KLHDC4: variants seen among roughly 807,000 people sequenced by gnomAD.
The protein encoded by KLHDC4 is kelch domain-containing protein 4.
A neutral mutation model predicts 62.4 loss-of-function variants in KLHDC4; 90 were observed. That is an observed-to-expected ratio of 1.44 (90% CI 1.22 to 1.72). The LOEUF (loss-of-function observed/expected upper bound fraction) is 1.72, where lower values mean the gene tolerates loss of function less well. KLHDC4 is among the 40% of genes most tolerant of loss of function. The pLI is 0.00. For synonymous variants in KLHDC4, 386 were observed against 284.4 expected (o/e 1.36, Z -3.59); for missense variants, 1,025 against 699.7 (o/e 1.47, Z -5.25).
At chr16:87,703,467 G>A (rs1474575977), downstream of KLHDC4, 1 of 152,454 alleles carries the variant, frequency 6.6e-6, no homozygotes, top group African/African-American at 2.4e-5. Context: ...AATAACCAGA[G>A]AGGCAGGCTC....
chr16:87,724,594 C>G (rs1435001087), intron 7 of KLHDC4, among the ~76,000 whole-genome samples: 3 of 152,148 alleles, frequency 2.0e-5, no homozygotes, highest in Non-Finnish European at 2.9e-5. Context: ...CACTCAACAC[C>G]AGCAGTCATG....
intron 9 of KLHDC4, chr16:87,710,212 G>GAC (rs1447389777): frequency 1.9e-5 from 3 of 156,944 alleles, no homozygotes; most frequent in African/African-American, 7.2e-5. Flanking sequence ...CCTCCTGCAG[G>GAC]ACAGCTGTCC....
At chr16:87,713,776 C>G (rs2036367697) in intron 8 of KLHDC4, among the ~76,000 whole-genome samples, 1 of 152,174 alleles carries the variant, frequency 6.6e-6, no homozygotes, top group Non-Finnish European at 1.5e-5. Flanking sequence ...AGGGCTGTCC[C>G]CTAGGTCATC....
chr16:87,701,231 G>A (rs563496994), exon 1 of KLHDC4: 40 of 225,984 alleles, frequency 1.8e-4, no homozygotes, highest in East Asian at 6.5e-4. Context: ...GAGCAGAGGC[G>A]GGGGCTGGCA....
At chr16:87,722,237 G>A (rs748750495) in intron 7 of KLHDC4, among the ~76,000 whole-genome samples, 2 of 152,216 alleles carry the variant, frequency 1.3e-5, no homozygotes, top group South Asian at 2.1e-4. Context: ...ACGTGGTTAC[G>A]ATACTGACCA....
intron 4 of KLHDC4, among the ~76,000 whole-genome samples, chr16:87,749,221 C>T (rs2043512563): frequency 6.6e-6 from 1 of 151,920 alleles, no homozygotes; most frequent in Non-Finnish European, 1.5e-5. Context: ...CTATCATGTG[C>T]CAACTAAATT....
At chr16:87,756,508 G>C (rs2044938775) in intron 2 of KLHDC4, 31 bp from the exon 3 acceptor site, 8 of 1,509,114 alleles carry the variant, frequency 5.3e-6, no homozygotes, top group Non-Finnish European at 6.5e-6. Context: ...AGGTCAGCAA[G>C]ATCACCCCCG....
chr16:87,713,199 ATAT>A (rs926174895), intron 8 of KLHDC4, among the ~76,000 whole-genome samples: 102 of 149,768 alleles, frequency 6.8e-4, no homozygotes, highest in African/African-American at 2.2e-3. Flanking sequence ...ACCTGGCTAC[ATAT>A]TTTTTTTGTT....
chr16:87,724,414 C>A (rs1457951790), intron 7 of KLHDC4, among the ~76,000 whole-genome samples: 2 of 152,168 alleles, frequency 1.3e-5, no homozygotes, highest in African/African-American at 2.4e-5. Context: ...ACAAACACTT[C>A]GGAAGGTGAC....
Position 87,747,069 on chromosome 16 carries a change from T to C in KLHDC4, c.506+1604A>G, listed in dbSNP as rs2043148067. Among the ~76,000 whole-genome samples, 5 of 152,256 alleles carry C rather than the reference T, an allele frequency of 3.3e-5. No individual in the cohort carries two copies. The South Asian group carries it at 1.0e-3, about 32-fold the overall frequency. ...AAAGTGACCAGGTACCCACAGTGCA[T>C]CCCTATTCCCTTGGAACAGATACCC... On this transcript the variant is annotated intron_variant, in intron 5 of 11. Transcript: ENST00000270583.
chr16:87,763,191 A>G (rs2046133051), intron 1 of KLHDC4, among the ~76,000 whole-genome samples: 1 of 152,220 alleles, frequency 6.6e-6, no homozygotes, highest in Non-Finnish European at 1.5e-5. Context: ...CCACCCACAC[A>G]TTCCCTCAAG....
intron 5 of KLHDC4, among the ~76,000 whole-genome samples, chr16:87,741,185 T>A (rs2042185858): frequency 6.6e-6 from 1 of 152,120 alleles, no homozygotes; most frequent in Non-Finnish European, 1.5e-5. Context: ...GAGAGACTGT[T>A]AAAAAGTATC....
downstream of KLHDC4, among the ~76,000 whole-genome samples, chr16:87,705,687 T>C (rs1206100405): frequency 1.3e-5 from 2 of 152,176 alleles, no homozygotes; most frequent in Middle Eastern, 3.2e-3. Context: ...GCCAACAAGA[T>C]ATTTCCTCTT....
Position 87,730,958 on chromosome 16 carries a change from T to C in KLHDC4, c.507-314A>G, listed in dbSNP as rs1251738184. On this transcript the variant is annotated intron_variant, in intron 5 of 11. Transcript: ENST00000270583. ...ATAAAAAACTTCAAAAATACACCAT[T>C]AGAAAATAAAAAGACAAGCAACAGA... The C allele has an allele frequency of 2.1e-5, 4 of 192,674 alleles. 1 individual carries two copies. Among genetic ancestry groups the C allele is most frequent in the African/African-American group, 9.9e-5 (4 of 40,446 alleles). 11.9% of individuals were successfully genotyped at this position (192,674 alleles called of 1,614,324 possible). A position where few individuals can be genotyped will look rare whatever the true frequency, so the allele number is the denominator to read the frequency against.
intron 5 of KLHDC4, among the ~76,000 whole-genome samples, chr16:87,732,214 G>A (rs1373893657): frequency 1.3e-5 from 2 of 151,058 alleles, no homozygotes; most frequent in African/African-American, 4.9e-5. Context: ...TCCTGTCTCA[G>A]CCTCCCAAGT....
rs1156948312 is a variant in KLHDC4, at chr16:87,761,984, C to A, written c.156G>T (p.Gln52His). Residue 52 changes from glutamine to histidine, a missense_variant, in exon 2 of 12, where the codon CAG becomes CAT. Gln to His is a conservative substitution (Grantham distance 24). Coordinates refer to ENST00000270583, the MANE Select transcript of KLHDC4 (RefSeq NM_017566.4). ...HFQTLDAKRT[Q>H]TVELPCPPPS... Reference sequence around the variant, plus strand: ...GTGGGGGGCACGGAAGTTCCACAGTCTGAGTCCTCTTGGCATCGAGTGTCT... The same window carrying A: ...GTGGGGGGCACGGAAGTTCCACAGTATGAGTCCTCTTGGCATCGAGTGTCT... The A allele has an allele frequency of 1.2e-6, 2 of 1,614,010 alleles. No individual in the cohort carries two copies.
intron 4 of KLHDC4, among the ~76,000 whole-genome samples, chr16:87,751,766 T>A (rs550922060): frequency 6.6e-6 from 1 of 151,670 alleles, no homozygotes; most frequent in Non-Finnish European, 1.5e-5. Context: ...ATATAAAAAA[T>A]AAAGCCATTC....
At chr16:87,706,056 G>T (rs1476299592), downstream of KLHDC4, among the ~76,000 whole-genome samples, 1 of 151,388 alleles carries the variant, frequency 6.6e-6, no homozygotes, top group East Asian at 1.9e-4. Flanking sequence ...GGGAGGAGGG[G>T]TCGGCGGAAC....
chr16:87,746,557 C>T (rs547245825), intron 5 of KLHDC4, among the ~76,000 whole-genome samples: 25 of 152,284 alleles, frequency 1.6e-4, no homozygotes, highest in African/African-American at 5.5e-4. Context: ...CCAAGGCAAA[C>T]GTCTCAAAGC....
Sources: gnomAD v4.1 joint callset for allele counts (sites outside exome capture counted in the v4.1 genomes callset) on GRCh38, gnomAD v4.1.1 for gene constraint, MANE v1.5 for transcripts, NCBI Gene and HGNC (gene_info 2026-07-23, HGNC 2026-07-21) for gene names.